Variants in SH3RF2 observed in about 807,000 individuals in gnomAD.
SH3RF2 encodes E3 ubiquitin-protein ligase SH3RF2.
A neutral mutation model predicts 59.0 loss-of-function variants in SH3RF2; 43 were observed. That is an observed-to-expected ratio of 0.73 (90% CI 0.57 to 0.94). The LOEUF is 0.94. Among genes scored for constraint, SH3RF2 ranks in the 40% least tolerant of loss-of-function variants. The pLI, the probability that SH3RF2 is intolerant of heterozygous loss-of-function variation, is 0.00. For synonymous variants in SH3RF2, 391 were observed against 391.5 expected, an observed-to-expected ratio of 1.00 and a Z score of 0.01; for missense variants, 930 against 940.1, an observed-to-expected ratio of 0.99 and a Z score of 0.14.
At position 146,013,744 on chromosome 5, in the gene SH3RF2, C is replaced by T. The variant is rs1340883284; in HGVS notation, c.745-3C>T. 6.2e-7 allele frequency: 1 copy of T among 1,612,928 alleles called. No homozygotes were observed. The highest frequency in any genetic ancestry group is 8.5e-7 in the Non-Finnish European group (1 of 1,179,754). ...CTTCTCATTGGACCTTTTGTCTTTTCAGCCAAACCTCACCGCAAGACACCT... is the reference window on the plus strand; with the variant it reads ...CTTCTCATTGGACCTTTTGTCTTTTTAGCCAAACCTCACCGCAAGACACCT... On this transcript the variant is annotated splice_region_variant and splice_polypyrimidine_tract_variant and intron_variant, in intron 4 of 9. Transcript: ENST00000359120.
At chr5:146,035,890 T>G (rs1761920939) in intron 5 of SH3RF2, among the ~76,000 whole-genome samples, 1 of 152,156 alleles carries the variant, frequency 6.6e-6, no homozygotes. Flanking sequence ...TGTCTGTGAG[T>G]GCAGTGGCCT....
chr5:145,974,113 G>A (rs1214917739), intron 2 of SH3RF2, among the ~76,000 whole-genome samples: 1 of 152,116 alleles, frequency 6.6e-6, no homozygotes, highest in Non-Finnish European at 1.5e-5. Flanking sequence ...ATTTCCTTGT[G>A]GCTGTAAAAC....
At chr5:146,012,022 A>C (rs1017638593) in intron 4 of SH3RF2, among the ~76,000 whole-genome samples, 11 of 151,738 alleles carry the variant, frequency 7.2e-5, no homozygotes, top group Non-Finnish European at 1.6e-4. Context: ...TGGGTTTGTC[A>C]TAAATAGCTC....
chr5:146,000,029 A>G (rs1760335307), intron 2 of SH3RF2, 29 bp from the exon 3 acceptor site: 1 of 1,608,692 alleles, frequency 6.2e-7, no homozygotes, highest in Non-Finnish European at 8.5e-7. Flanking sequence ...TAAGCTAAGT[A>G]CATATCTTAT....
intron 2 of SH3RF2, among the ~76,000 whole-genome samples, chr5:145,968,569 T>C (rs1758952573): frequency 6.6e-6 from 1 of 152,194 alleles, no homozygotes; most frequent in Non-Finnish European, 1.5e-5. Flanking sequence ...GAGTCACATA[T>C]GTAATTTTAA....
intron 2 of SH3RF2, among the ~76,000 whole-genome samples, chr5:145,993,549 G>T (rs529675230): frequency 5.3e-5 from 8 of 152,312 alleles, no homozygotes; most frequent in Non-Finnish European, 1.0e-4. Context: ...CTCAATTCTT[G>T]ACTTCTGTGT....
chr5:145,944,376 G>A (rs1269241264), intron 2 of SH3RF2, among the ~76,000 whole-genome samples: 1 of 149,600 alleles, frequency 6.7e-6, no homozygotes, highest in East Asian at 1.9e-4. Context: ...TTAGAGACAG[G>A]GTCTCATTCC....
In SH3RF2 at chr5:146,062,849, G is replaced by T. The variant is rs1762952741; in HGVS notation, c.*148G>T. ...CACCTCCAGGAAAGCAAAAGTGGGA[G>T]CAGAAATTCCTGCCCTGGGTGGGAG... On this transcript the variant is annotated 3_prime_UTR_variant, in exon 10 of 10. Coordinates refer to ENST00000359120, the MANE Select transcript of SH3RF2 (RefSeq NM_152550.4). 1.8e-6 allele frequency: 2 copies of T among 1,141,158 alleles called. No homozygotes were observed. Among genetic ancestry groups the T allele is most frequent in the Non-Finnish European group, 2.4e-6 (2 of 829,064 alleles). The allele number at this position is 1,141,158 out of a possible 1,614,324, so 70.7% of individuals were successfully genotyped here.
At chr5:145,954,205 C>T (rs1746751249) in intron 2 of SH3RF2, among the ~76,000 whole-genome samples, 1 of 152,216 alleles carries the variant, frequency 6.6e-6, no homozygotes. Flanking sequence ...TTCTCCGCAA[C>T]CTCGCAAGCA....
intron 2 of SH3RF2, among the ~76,000 whole-genome samples, chr5:145,960,672 A>G (rs1030160818): frequency 6.6e-6 from 1 of 152,192 alleles, no homozygotes; most frequent in Non-Finnish European, 1.5e-5. Context: ...TTTAACTCCT[A>G]TGGCTGTCTA....
chr5:145,946,406 A>G (rs1001619653), intron 2 of SH3RF2, among the ~76,000 whole-genome samples: 10 of 152,170 alleles, frequency 6.6e-5, no homozygotes, highest in African/African-American at 2.4e-4. Flanking sequence ...GGAAGAGTAA[A>G]TAAATAAACA....
chr5:146,005,608 A>G (rs919718086), intron 4 of SH3RF2, among the ~76,000 whole-genome samples: 1 of 152,186 alleles, frequency 6.6e-6, no homozygotes, highest in African/African-American at 2.4e-5. Flanking sequence ...TATTGTCTCT[A>G]CTAAACTCAT....
chr5:146,011,976 C>T (rs1760921685), intron 4 of SH3RF2, among the ~76,000 whole-genome samples: 1 of 152,134 alleles, frequency 6.6e-6, no homozygotes, highest in Non-Finnish European at 1.5e-5. Flanking sequence ...AAAGGCAATG[C>T]TTCCAGTTTT....
chr5:145,943,265 G>A (rs1757888216), intron 2 of SH3RF2, among the ~76,000 whole-genome samples: 1 of 150,576 alleles, frequency 6.6e-6, no homozygotes, highest in African/African-American at 2.4e-5. Context: ...TACTGCAAAA[G>A]GAAAGGGAGT....
At chr5:146,010,490 C>CA (rs1333934641) in intron 4 of SH3RF2, among the ~76,000 whole-genome samples, 1 of 152,230 alleles carries the variant, frequency 6.6e-6, no homozygotes, top group Non-Finnish European at 1.5e-5. Context: ...TTTACAGTCC[C>CA]AACAACAGTG....
intron 8 of SH3RF2, among the ~76,000 whole-genome samples, chr5:146,057,966 C>CTCTCTCTCTCTCTA (rs796279528): frequency 4.1e-5 from 3 of 72,924 alleles, no homozygotes; most frequent in African/African-American, 1.2e-4. Context: ...CTCTCTCTCT[C>CTCTCTCTCTCTCTA]TCTATCTATC....
intron 5 of SH3RF2, among the ~76,000 whole-genome samples, chr5:146,033,126 G>C (rs1761798693): frequency 6.6e-6 from 1 of 152,174 alleles, no homozygotes; most frequent in Non-Finnish European, 1.5e-5. Context: ...TGGGAAAAAT[G>C]ATGATAATGG....
intron 2 of SH3RF2, chr5:145,997,557 A>G: frequency 6.2e-7 from 1 of 1,608,144 alleles, no homozygotes; most frequent in South Asian, 1.1e-5. Flanking sequence ...GGGAGTTATT[A>G]CGGTTTCAGG....
Position 146,059,955 on chromosome 5 carries a change from CA to C in SH3RF2, c.1646del (p.Gln549ArgfsTer79). The C allele has an allele frequency of 6.4e-7, 1 of 1,553,716 alleles. No individual in the cohort carries two copies. The highest frequency in any genetic ancestry group is 8.7e-7 in the Non-Finnish European group (1 of 1,150,322). On this transcript the variant is annotated frameshift_variant, in exon 9 of 10. Coordinates refer to ENST00000359120, the MANE Select transcript of SH3RF2 (RefSeq NM_152550.4). LOFTEE classifies it high-confidence loss of function. ...CAGCCCCACCATGGTCCTTCGGCCT[CA>C]GCAGTTCCAATTCTACCAGCCACAG... ...RRSPTMVLRPQQFQFYQPQGI... is the reference protein window; with the variant it reads ...RRSPTMVLRPXQFQFYQPQGI...
Sources: gnomAD v4.1 joint callset for allele counts (sites outside exome capture counted in the v4.1 genomes callset) on GRCh38, gnomAD v4.1.1 for gene constraint, MANE v1.5 for transcripts, NCBI Gene and HGNC (gene_info 2026-07-23, HGNC 2026-07-21) for gene names.